COBL: variants seen among roughly 807,000 people sequenced by gnomAD.
COBL encodes the protein protein cordon-bleu.
Under a neutral mutation model 98.8 loss-of-function variants are expected in COBL, and 51 were observed. That is an observed-to-expected ratio of 0.52 (90% CI 0.41 to 0.65). The LOEUF (loss-of-function observed/expected upper bound fraction) is 0.65. Among genes scored for constraint, COBL ranks in the 30% least tolerant of loss-of-function variants. The pLI is 0.00. For synonymous variants in COBL, 634 were observed against 651.7 expected (o/e 0.97, Z 0.41); for missense variants, 1,617 against 1,617.5 (o/e 1.00, Z 0.01).
At chr7:51,220,147 C>T (rs1186103124) in intron 1 of COBL, among the ~76,000 whole-genome samples, 2 of 152,058 alleles carry the variant, frequency 1.3e-5, no homozygotes, top group East Asian at 1.9e-4. Context: ...GAAGCATTCC[C>T]GGAAAGAAAC....
At chr7:51,083,147 G>A in intron 7 of COBL, 2 of 1,509,410 alleles carry the variant, frequency 1.3e-6, no homozygotes, top group Non-Finnish European at 1.8e-6. Flanking sequence ...AGGAGGGTAG[G>A]GCGGGGGTGG....
chr7:51,146,106 G>A (rs1562963271), intron 5 of COBL, among the ~76,000 whole-genome samples: 1 of 152,200 alleles, frequency 6.6e-6, no homozygotes, highest in African/African-American at 2.4e-5. Flanking sequence ...ATATGCATGG[G>A]TTTCACATGC....
chr7:51,223,388 C>T (rs1793850583), intron 1 of COBL, among the ~76,000 whole-genome samples: 1 of 152,210 alleles, frequency 6.6e-6, no homozygotes, highest in African/African-American at 2.4e-5. Flanking sequence ...GATGCCTGGA[C>T]ATCTTCACAG....
intron 7 of COBL, among the ~76,000 whole-genome samples, chr7:51,065,719 T>C (rs1035220637): frequency 6.6e-6 from 1 of 152,252 alleles, no homozygotes; most frequent in Non-Finnish European, 1.5e-5. Context: ...CACCAGGTGC[T>C]ATGGGCTGAA....
Position 51,025,175 on chromosome 7 carries a change from G to T in COBL, c.3702C>A (p.Thr1234=). 1 of 1,611,708 alleles carries T rather than the reference G, an allele frequency of 6.2e-7. No individual in the cohort carries two copies. The highest frequency in any genetic ancestry group is 8.5e-7 in the Non-Finnish European group (1 of 1,179,796). ...CCATCAAGGCTTGCCTTGCGTCTGC[G>T]GTGTTGCTGAGGGTGCCCGTGCTGA... ...SRFSTGTLSN[T]ADARQALMDA... Residue 1234 remains threonine, a synonymous_variant, in exon 12 of 13, where the codon ACC becomes ACA. Transcript: ENST00000265136.
intron 1 of COBL, among the ~76,000 whole-genome samples, chr7:51,245,478 A>G (rs12719042): frequency 0.39 from 58,877 of 152,112 alleles, 11,819 homozygotes; most frequent in Non-Finnish European, 0.43. Flanking sequence ...GGATTGGACA[A>G]TTCTGTCTCA....
chr7:51,023,525 T>A (rs763318336), intron 12 of COBL, among the ~76,000 whole-genome samples: 22 of 152,138 alleles, frequency 1.4e-4, no homozygotes, highest in Non-Finnish European at 2.4e-4. Context: ...CCAAGAGCCA[T>A]CACAAATGGC....
intron 2 of COBL, among the ~76,000 whole-genome samples, chr7:51,210,372 A>T (rs565025857): frequency 6.6e-6 from 1 of 152,342 alleles, no homozygotes; most frequent in East Asian, 1.9e-4. Context: ...TGCTTAAGTT[A>T]CTTGCAGGGC....
chr7:51,201,551 A>G (rs1321040681), intron 2 of COBL, among the ~76,000 whole-genome samples: 2 of 152,204 alleles, frequency 1.3e-5, no homozygotes, highest in East Asian at 3.8e-4. Context: ...TAATGGATAG[A>G]CCATTCTGGT....
At chr7:51,260,282 C>T in intron 1 of COBL, 1 of 481,934 alleles carries the variant, frequency 2.1e-6, no homozygotes, top group South Asian at 3.5e-5. Context: ...TATGAAGTGG[C>T]TTTTGTCTAT....
rs1018188590 is a variant in COBL, at chr7:51,295,333, C to A, written c.41+21260G>T. On this transcript the variant is annotated intron_variant, in intron 1 of 12. Transcript: ENST00000265136. The stretch of plus-strand genomic sequence containing the variant: ...TGACAGGTTAGTAGGTGTAGCAAAC[C>A]ACCATGGCACATGTATACCTACATA... Among the ~76,000 whole-genome samples, 9 of 150,886 alleles carry A rather than the reference C, an allele frequency of 6.0e-5. No homozygotes were observed. The East Asian group carries it at 1.6e-3, about 26-fold the overall frequency.
chr7:51,258,920 T>C (rs539963306), intron 1 of COBL, among the ~76,000 whole-genome samples: 47 of 152,320 alleles, frequency 3.1e-4, no homozygotes, highest in African/African-American at 1.1e-3. Context: ...CAGGCATTCA[T>C]CGCTCCCAGA....
chr7:51,178,477 GTT>G (rs1410878274), intron 5 of COBL, among the ~76,000 whole-genome samples: 1 of 152,112 alleles, frequency 6.6e-6, no homozygotes, highest in Non-Finnish European at 1.5e-5. Context: ...GGCAAAACTT[GTT>G]TTTCTCTTTT....
At chr7:51,263,734 G>A (rs1777577251) in intron 1 of COBL, among the ~76,000 whole-genome samples, 1 of 152,222 alleles carries the variant, frequency 6.6e-6, no homozygotes, top group South Asian at 2.1e-4. Context: ...AGGCCTGGGA[G>A]ACAGAACCAG....
At chr7:51,265,265 G>A (rs1798097281) in intron 1 of COBL, among the ~76,000 whole-genome samples, 1 of 152,206 alleles carries the variant, frequency 6.6e-6, no homozygotes, top group South Asian at 2.1e-4. Context: ...TAAAGACCTG[G>A]GAAAGCAGGT....
chr7:51,187,390 A>T (rs1375463339), intron 4 of COBL, among the ~76,000 whole-genome samples: 1 of 151,858 alleles, frequency 6.6e-6, no homozygotes, highest in African/African-American at 2.4e-5. Context: ...ACATATAAAC[A>T]TCTCTTTCTG....
chr7:51,292,927 C>T (rs985740305), intron 1 of COBL, among the ~76,000 whole-genome samples: 4 of 152,246 alleles, frequency 2.6e-5, no homozygotes, highest in Admixed American at 2.0e-4. Flanking sequence ...CAGGATTCCA[C>T]TTTCCCTTGA....
chr7:51,145,496 C>T (rs774888163), intron 5 of COBL, among the ~76,000 whole-genome samples: 27 of 151,504 alleles, frequency 1.8e-4, no homozygotes, highest in Non-Finnish European at 2.8e-4. Context: ...CTCCTGCCTC[C>T]GCTTCCTGAG....
intron 5 of COBL, among the ~76,000 whole-genome samples, chr7:51,157,099 G>T (rs555316642): frequency 6.6e-6 from 1 of 152,138 alleles, no homozygotes. Context: ...AGCCAGACAC[G>T]GTGGCTCACG....
Sources: gnomAD v4.1 joint callset for allele counts (sites outside exome capture counted in the v4.1 genomes callset) on GRCh38, gnomAD v4.1.1 for gene constraint, MANE v1.5 for transcripts, NCBI Gene and HGNC (gene_info 2026-07-23, HGNC 2026-07-21) for gene names.